CTR9: variants seen among roughly 807,000 people sequenced by gnomAD.
CTR9 encodes the protein RNA polymerase-associated protein CTR9 homolog.
In CTR9, 41 loss-of-function variants were observed where a neutral mutation model predicts 152.1. The ratio of observed to expected loss-of-function variants is 0.27; its 90% CI spans 0.21 to 0.35. CTR9 has a LOEUF of 0.35. Among genes scored for constraint, CTR9 ranks in the 10% least tolerant of loss-of-function variants. The pLI, the probability that CTR9 is intolerant of heterozygous loss-of-function variation, is 1.00. For synonymous variants in CTR9, 476 were observed against 496.2 expected (o/e 0.96, Z 0.54); for missense variants, 917 against 1,424.4 (o/e 0.64, Z 5.73).
chr11:10,757,035 C>T (rs577055442), intron 5 of CTR9, among the ~76,000 whole-genome samples, 197 bp downstream of exon 5: 1 of 152,240 alleles, frequency 6.6e-6, no homozygotes, highest in South Asian at 2.1e-4. Context: ...TGCCAATAAT[C>T]CCAGCACTTT....
intron 19 of CTR9, 110 bp downstream of exon 19, chr11:10,771,726 C>A: frequency 1.4e-6 from 1 of 725,356 alleles, no homozygotes; most frequent in South Asian, 1.7e-5. Flanking sequence ...ACAGGTCAGT[C>A]TTTCACACTT....
At position 10,763,733 on chromosome 11, in the gene CTR9, A is replaced by G; in HGVS notation, c.1048A>G (p.Met350Val). 6.2e-7 allele frequency: 1 copy of G among 1,614,034 alleles called. No homozygotes were observed. Among genetic ancestry groups the G allele is most frequent in the Non-Finnish European group, 8.5e-7 (1 of 1,179,988 alleles). ...GCTCCCATTTTTTGGTTTGGGACAA[A>G]TGTATATTTATCGAGGTGACAAAGA... ...FVLPFFGLGQMYIYRGDKENA... is the reference protein window; with the variant it reads ...FVLPFFGLGQVYIYRGDKENA... Residue 350 changes from methionine to valine, a missense_variant, in exon 9 of 25, where the codon ATG (methionine) becomes GTG (valine). Met to Val is a conservative substitution (Grantham distance 21, BLOSUM62 1). Coordinates refer to ENST00000361367, the MANE Select transcript of CTR9 (RefSeq NM_014633.5).
At chr11:10,757,287 G>A (rs1294062955) in intron 5 of CTR9, among the ~76,000 whole-genome samples, 7 of 149,290 alleles carry the variant, frequency 4.7e-5, no homozygotes, top group African/African-American at 1.5e-4. Context: ...CTTGTCTCAA[G>A]GGGAAAAAAA....
In CTR9 at chr11:10,773,241, A is replaced by C; in HGVS notation, c.2695A>C (p.Lys899Gln). 6.2e-7 allele frequency: 1 copy of C among 1,612,922 alleles called. No individual in the cohort carries two copies. Among genetic ancestry groups the C allele is most frequent in the Non-Finnish European group, 8.5e-7 (1 of 1,179,744 alleles). Residue 899 changes from lysine (K) to glutamine (Q), a missense_variant, in exon 21 of 25, where the codon AAA (lysine) becomes CAA (glutamine). By Grantham distance (53) the Lys-to-Gln change is moderately conservative (BLOSUM62 1). Coordinates refer to ENST00000361367, the MANE Select transcript of CTR9 (RefSeq NM_014633.5). ...GTTTACTGGTGAGACTGAAGCAACA[A>C]AAGAGAAGAAAAGAGGTGGTGGTGG... is the stretch of plus-strand genomic sequence containing the variant. ...LMFTGETEAT[K>Q]EKKRGGGGGR...
At chr11:10,755,817 G>T (rs376682365) in intron 4 of CTR9, 22 bp downstream of exon 4, 2 of 1,445,920 alleles carry the variant, frequency 1.4e-6, no homozygotes, top group Non-Finnish European at 1.9e-6. Flanking sequence ...TTGGCAACAT[G>T]TTAGGAAACA....
intron 18 of CTR9, among the ~76,000 whole-genome samples, chr11:10,771,194 A>C (rs1044764400): frequency 6.6e-6 from 1 of 152,176 alleles, no homozygotes; most frequent in African/African-American, 2.4e-5. Context: ...GTCCAACTTA[A>C]TATTTTTATT....
At chr11:10,772,422 C>T (rs1435487893) in intron 19 of CTR9, 98 bp from the exon 20 acceptor site, 2 of 1,051,386 alleles carry the variant, frequency 1.9e-6, no homozygotes, top group African/African-American at 3.3e-5. Context: ...GCTAATGGTC[C>T]TGCTTCAGAT....
intron 12 of CTR9, among the ~76,000 whole-genome samples, chr11:10,765,740 G>A (rs1364732427): frequency 6.6e-6 from 1 of 152,214 alleles, no homozygotes; most frequent in Non-Finnish European, 1.5e-5. Context: ...GGGATTATAG[G>A]CGTGAGCCAC....
At chr11:10,758,807 T>C (rs1862928282) in intron 5 of CTR9, among the ~76,000 whole-genome samples, 1 of 152,206 alleles carries the variant, frequency 6.6e-6, no homozygotes, top group Admixed American at 6.5e-5. Flanking sequence ...ATATAGCAAT[T>C]TGTAACCAAT....
intron 24 of CTR9, among the ~76,000 whole-genome samples, chr11:10,776,045 A>G (rs1208401209): frequency 6.6e-6 from 1 of 152,178 alleles, no homozygotes; most frequent in Non-Finnish European, 1.5e-5. Flanking sequence ...TCCTGGTCAT[A>G]TGGAGATAGG....
At chr11:10,770,381 A>G in intron 17 of CTR9, 55 bp downstream of exon 17, 3 of 1,580,326 alleles carry the variant, frequency 1.9e-6, no homozygotes, top group Non-Finnish European at 2.6e-6. Flanking sequence ...GTATTTTTTA[A>G]TTCTTCGTGA....
In CTR9 at chr11:10,779,327, C is replaced by A; in HGVS notation, c.*222C>A. The A allele has an allele frequency of 2.0e-6, 1 of 493,152 alleles. No individual in the cohort carries two copies. Among genetic ancestry groups the A allele is most frequent in the Non-Finnish European group, 3.6e-6 (1 of 279,356 alleles). The allele number at this position is 493,152 out of a possible 1,614,324, so 30.5% of individuals were successfully genotyped here. A position where few individuals can be genotyped will look rare whatever the true frequency, so the allele number is the denominator to read the frequency against. The stretch of plus-strand genomic sequence containing the variant: ...TGAGACTATTCTTTGTGGTACAATT[C>A]CACCTATCATATGTGAAAACTGCAG... On this transcript the variant is annotated 3_prime_UTR_variant, in exon 25 of 25. Transcript: ENST00000361367.
At position 10,756,770 on chromosome 11, in the gene CTR9, A is replaced by C; in HGVS notation, c.524A>C (p.Asn175Thr). Residue 175 changes from asparagine (N) to threonine (T), a missense_variant, in exon 5 of 25, where the codon AAC (asparagine) becomes ACC (threonine). By Grantham distance (65) the Asn-to-Thr change is moderately conservative (BLOSUM62 0). Around this residue, in one of 9 missense-constraint regions of CTR9, gnomAD observed 110 missense variants for 149.5 expected, o/e 0.74. Coordinates refer to ENST00000361367, the MANE Select transcript of CTR9 (RefSeq NM_014633.5). ...ACAGGTAAAGCTTGCATTTCCTTCAACAAGAAGGATTACAGAGGAGCTCTT... is the reference window on the plus strand; with the variant it reads ...ACAGGTAAAGCTTGCATTTCCTTCACCAAGAAGGATTACAGAGGAGCTCTT... ...ALLGKACISF[N>T]KKDYRGALAY... The C allele has an allele frequency of 6.2e-7, 1 of 1,611,156 alleles. No individual in the cohort carries two copies. The highest frequency in any genetic ancestry group is 1.3e-5 in the African/African-American group (1 of 74,896).
intron 5 of CTR9, among the ~76,000 whole-genome samples, chr11:10,759,645 A>G (rs1862945053): frequency 6.6e-6 from 1 of 152,226 alleles, no homozygotes. Context: ...GAGAGAAAAA[A>G]TAGGGGAGGG....
At position 10,767,680 on chromosome 11, in the gene CTR9, AAAG is replaced by A; in HGVS notation, c.1687-123_1687-121del. ...ATGCAAAAAAAAAAAGAAAGAAAGA[AAAG>A]AAAGAAAACCACTGTTGTAATATAG... On this transcript the variant is annotated intron_variant, in intron 13 of 24. Transcript: ENST00000361367. The surrounding 1 kb of genome is among the most constrained non-coding windows in gnomAD (Gnocchi z 4.0). 3.6e-6 allele frequency: 3 copies of A among 837,700 alleles called. No individual in the cohort carries two copies. The highest frequency in any genetic ancestry group is 1.9e-5 in the South Asian group (1 of 51,588). The allele number at this position is 837,700 out of a possible 1,614,324, so 51.9% of individuals were successfully genotyped here.
chr11:10,760,366 G>A (rs371755230), intron 6 of CTR9, 45 bp downstream of exon 6: 2 of 1,560,172 alleles, frequency 1.3e-6, no homozygotes, highest in Non-Finnish European at 8.8e-7. Context: ...GCTTTGTCAG[G>A]CCCACAGCCT....
chr11:10,756,664 A>G (rs900400791), intron 4 of CTR9, 85 bp from the exon 5 acceptor site: 18 of 885,514 alleles, frequency 2.0e-5, no homozygotes, highest in Admixed American at 1.0e-4. Context: ...TCAGAGATGT[A>G]TTTAACTTAG....
At chr11:10,775,123 A>G (rs1268092880) in intron 22 of CTR9, 84 bp from the exon 23 acceptor site, 3 of 1,071,214 alleles carry the variant, frequency 2.8e-6, no homozygotes, top group African/African-American at 3.2e-5. Flanking sequence ...AGGATTCAGA[A>G]TGAATAATAA....
intron 5 of CTR9, among the ~76,000 whole-genome samples, chr11:10,757,120 A>G (rs1323965332): frequency 6.6e-6 from 1 of 151,958 alleles, no homozygotes; most frequent in African/African-American, 2.4e-5. Flanking sequence ...CCCTGTCTCT[A>G]CAAAAAATAA....
Sources: gnomAD v4.1 joint callset for allele counts (sites outside exome capture counted in the v4.1 genomes callset) on GRCh38, gnomAD v4.1.1 for gene constraint, gnomAD v4.1.1 regional missense constraint, Gnocchi (gnomAD v3.1) non-coding constraint, MANE v1.5 for transcripts, NCBI Gene and HGNC (gene_info 2026-07-23, HGNC 2026-07-21) for gene names.